The following C8orf74 variants were observed in gnomAD, a reference collection of about 807,000 sequenced individuals.
C8orf74 encodes the protein chromosome 8 open reading frame 74, also known as uncharacterized protein C8orf74.
C8orf74 carries 29 observed loss-of-function variants against 22.2 expected under a neutral mutation model. The ratio of observed to expected loss-of-function variants is 1.31; its 90% CI spans 0.97 to 1.78. The LOEUF (loss-of-function observed/expected upper bound fraction) is 1.78. Among genes scored for constraint, C8orf74 ranks in the 40% most tolerant of loss-of-function variants. The pLI is 0.00. For missense variants in C8orf74, 515 were observed against 369.9 expected, an observed-to-expected ratio of 1.39 and a Z score of -3.22; for synonymous variants, 255 against 163.1, an observed-to-expected ratio of 1.56 and a Z score of -4.30.
intron 2 of C8orf74, among the ~76,000 whole-genome samples, chr8:10,683,141 G>T (rs896132781): frequency 6.6e-6 from 1 of 152,214 alleles, no homozygotes; most frequent in African/African-American, 2.4e-5. Context: ...CAGGGCTGCG[G>T]AGTGCAGACG....
At chr8:10,679,040 G>A (rs1799092483) in intron 2 of C8orf74, among the ~76,000 whole-genome samples, 2 of 152,178 alleles carry the variant, frequency 1.3e-5, no homozygotes, top group Admixed American at 6.5e-5. Flanking sequence ...GTCACCTCCA[G>A]GCCCAGGCTG....
chr8:10,687,234 C>G (rs1406822441), intron 2 of C8orf74: 1 of 404,284 alleles, frequency 2.5e-6, no homozygotes, highest in Admixed American at 2.8e-5. Context: ...GTCGCCTAAT[C>G]TCACGAGGTA....
At chr8:10,676,631 G>A (rs553283771) in intron 2 of C8orf74, among the ~76,000 whole-genome samples, 2 of 152,082 alleles carry the variant, frequency 1.3e-5, no homozygotes, top group Non-Finnish European at 2.9e-5. Context: ...CCCACCCAGT[G>A]GTCCCAGCCT....
intron 2 of C8orf74, among the ~76,000 whole-genome samples, chr8:10,696,008 T>C (rs1252187629): frequency 6.6e-6 from 1 of 152,134 alleles, no homozygotes; most frequent in African/African-American, 2.4e-5. Context: ...TCCAGGACGG[T>C]GTCTGCGAGA....
chr8:10,678,273 A>T (rs1468200386), intron 2 of C8orf74, among the ~76,000 whole-genome samples: 1 of 152,162 alleles, frequency 6.6e-6, no homozygotes, highest in African/African-American at 2.4e-5. Flanking sequence ...GGGATGCAGG[A>T]TCACTCTCCA....
In C8orf74 at chr8:10,684,996, G is replaced by A. The variant is rs192752190; in HGVS notation, c.241+10158G>A. 3.3e-4 allele frequency among the ~76,000 whole-genome samples: 51 copies of A among 152,360 alleles called. 1 individual carries two copies. The highest frequency in any genetic ancestry group is 1.2e-3 in the African/African-American group (50 of 41,582). ...GAGTGGGGGTCCTCTGAAGGAAGGA[G>A]TGATCCACTCCCCACAGGGGGCGGA... On this transcript the variant is annotated intron_variant, in intron 2 of 3. Transcript: ENST00000304519.
chr8:10,694,442 T>G (rs1799446274), intron 2 of C8orf74, among the ~76,000 whole-genome samples: 1 of 152,130 alleles, frequency 6.6e-6, no homozygotes, highest in Admixed American at 6.5e-5. Context: ...AGAGATAATT[T>G]TGAAGGCTTC....
At chr8:10,698,374 C>T (rs551250016) in intron 3 of C8orf74, among the ~76,000 whole-genome samples, 1 of 152,036 alleles carries the variant, frequency 6.6e-6, no homozygotes, top group Non-Finnish European at 1.5e-5. Flanking sequence ...AGCTTTGGAA[C>T]TGCTGCAGAT....
At chr8:10,681,356 C>T (rs762112353) in intron 2 of C8orf74, among the ~76,000 whole-genome samples, 4 of 152,162 alleles carry the variant, frequency 2.6e-5, no homozygotes, top group Non-Finnish European at 4.4e-5. Context: ...GGTGAAGCCA[C>T]CAGCCGTGGC....
intron 2 of C8orf74, among the ~76,000 whole-genome samples, chr8:10,675,146 T>C (rs1007389503): frequency 1.3e-5 from 2 of 152,254 alleles, no homozygotes; most frequent in African/African-American, 4.8e-5. Flanking sequence ...AAATCAAATG[T>C]GTCACCTTCC....
Position 10,700,456 on chromosome 8 carries a change from G to T in C8orf74, c.870G>T (p.Ala290=), listed in dbSNP as rs760503787. 4 of 1,581,676 alleles carry T rather than the reference G, an allele frequency of 2.5e-6. No individual in the cohort carries two copies. Among genetic ancestry groups the T allele is most frequent in the South Asian group, 1.1e-5 (1 of 87,124 alleles). Residue 290 remains alanine, a synonymous_variant, in exon 4 of 4, where the codon GCG becomes GCT. Transcript: ENST00000304519. The part of the protein sequence containing the change: ...KPQRASKGKK[A]KARK ...AAAGAGCGAGCAAAGGAAAGAAAGCGAAGGCAAGGAAGTAGAAGGTCCCGA... is the reference window on the plus strand; with the variant it reads ...AAAGAGCGAGCAAAGGAAAGAAAGCTAAGGCAAGGAAGTAGAAGGTCCCGA...
In C8orf74 at chr8:10,700,254, G is replaced by A. The variant is rs907583003; in HGVS notation, c.668G>A (p.Cys223Tyr). Residue 223 changes from cysteine (C) to tyrosine (Y), a missense_variant, in exon 4 of 4, where the codon TGC becomes TAC. Cys to Tyr is a radical substitution (Grantham distance 194, BLOSUM62 -2). Coordinates refer to ENST00000304519, the MANE Select transcript of C8orf74 (RefSeq NM_001040032.2). ...LERQELESLI[C>Y]QAVHTQMELL... ...TTCCAGGAGTTGGAGAGCCTCATCT[G>A]CCAGGCAGTCCACACCCAGATGGAG... The A allele has an allele frequency of 1.2e-5, 20 of 1,603,540 alleles. No homozygotes were observed. The highest frequency in any genetic ancestry group is 1.7e-5 in the Non-Finnish European group (20 of 1,172,150).
chr8:10,675,434 C>T (rs1799012934), intron 2 of C8orf74: 1 of 152,384 alleles, frequency 6.6e-6, no homozygotes, highest in East Asian at 1.9e-4. Context: ...GGGGCAGGCT[C>T]TCTGGGGCTG....
intron 2 of C8orf74, among the ~76,000 whole-genome samples, chr8:10,684,102 A>G (rs1799212139): frequency 6.6e-6 from 1 of 152,168 alleles, no homozygotes; most frequent in African/African-American, 2.4e-5. Context: ...AGCCATAGAC[A>G]TGGCACACTG....
At chr8:10,674,897 A>G (rs1018367413) in intron 2 of C8orf74, 59 bp downstream of exon 2, 13 of 1,408,860 alleles carry the variant, frequency 9.2e-6, no homozygotes, top group Non-Finnish European at 1.3e-5. Flanking sequence ...GGGTACACAT[A>G]GAACTCCCCT....
chr8:10,685,842 G>A (rs960283487), intron 2 of C8orf74, among the ~76,000 whole-genome samples: 1 of 152,348 alleles, frequency 6.6e-6, no homozygotes, highest in East Asian at 1.9e-4. Context: ...GGCTGAGGCA[G>A]GTGGATCACG....
At chr8:10,686,615 G>A (rs537443328) in intron 2 of C8orf74, 3 of 154,888 alleles carry the variant, frequency 1.9e-5, no homozygotes, top group Non-Finnish European at 4.3e-5. Context: ...TCTAGTCTTA[G>A]AAGCTAAGCA....
chr8:10,681,566 C>T lies in C8orf74; in HGVS notation c.241+6728C>T, dbSNP rs575053134. ...GGGAAGGTGGGGACAGCCTCCCCTGCTTCAGGCTTCCCTTGGCAGGAAACT... is the reference window on the plus strand; with the variant it reads ...GGGAAGGTGGGGACAGCCTCCCCTGTTTCAGGCTTCCCTTGGCAGGAAACT... On this transcript the variant is annotated intron_variant, in intron 2 of 3. Transcript: ENST00000304519. Among the ~76,000 whole-genome samples, 6 of 152,270 alleles carry T rather than the reference C, an allele frequency of 3.9e-5. No individual in the cohort carries two copies. In the South Asian group the frequency reaches 1.2e-3, roughly 32 times the overall value.
chr8:10,698,052 G>C (rs998309020), intron 3 of C8orf74, 47 bp downstream of exon 3: 29 of 1,435,098 alleles, frequency 2.0e-5, no homozygotes, highest in Admixed American at 5.6e-5. Context: ...GGCCTGCAGA[G>C]ACACCAGCCA....
Sources: gnomAD v4.1 joint callset for allele counts (sites outside exome capture counted in the v4.1 genomes callset) on GRCh38, gnomAD v4.1.1 for gene constraint, MANE v1.5 for transcripts, NCBI Gene and HGNC (gene_info 2026-07-23, HGNC 2026-07-21) for gene names.